CAMK4: variants seen among roughly 807,000 people sequenced by gnomAD.
CAMK4 encodes the protein calcium/calmodulin-dependent protein kinase type IV.
In CAMK4, 22 loss-of-function variants were observed where a neutral mutation model predicts 44.9. The ratio of observed to expected loss-of-function variants is 0.49; its 90% CI spans 0.35 to 0.70. The LOEUF (loss-of-function observed/expected upper bound fraction) is 0.70. Ranked by LOEUF, CAMK4 falls within the 30% of genes least tolerant of loss-of-function variation. CAMK4 has a pLI of 0.01. For synonymous variants in CAMK4, 218 were observed against 215.4 expected (o/e 1.01, Z -0.11); for missense variants, 498 against 586.8 (o/e 0.85, Z 1.56).
rs1289405438 is a variant in CAMK4 at position 111,491,539 on chromosome 5, T to C, written c.*7073T>C. 1 of 152,164 alleles carries C rather than the reference T, an allele frequency of 6.6e-6. No homozygotes were observed. The allele number at this position is 152,164 out of a possible 1,614,324, so 9.4% of individuals were successfully genotyped here. ...GATGCTCTCACAACAATAATTGTGCTGGAGATAGATACAACTTAGTGAAAT... is the reference window on the plus strand; with the variant it reads ...GATGCTCTCACAACAATAATTGTGCCGGAGATAGATACAACTTAGTGAAAT... On this transcript the variant is annotated 3_prime_UTR_variant, in exon 11 of 11. Transcript: ENST00000282356.
intron 5 of CAMK4, among the ~76,000 whole-genome samples, chr5:111,427,718 A>C (rs904035285): frequency 6.6e-6 from 1 of 152,202 alleles, no homozygotes; most frequent in African/African-American, 2.4e-5. Flanking sequence ...CTCAGCTGCA[A>C]TACAACAGAA....
At chr5:111,461,864 G>A (rs933327669) in intron 7 of CAMK4, among the ~76,000 whole-genome samples, 3 of 147,288 alleles carry the variant, frequency 2.0e-5, no homozygotes, top group Non-Finnish European at 3.0e-5. Context: ...AGCTCTAATA[G>A]GGACAATAAT....
chr5:111,287,314 T>C (rs1751277946), intron 1 of CAMK4, among the ~76,000 whole-genome samples: 1 of 152,096 alleles, frequency 6.6e-6, no homozygotes, highest in Non-Finnish European at 1.5e-5. Flanking sequence ...AGGAACAAAG[T>C]TCCAGAGAAA....
At chr5:111,315,853 G>A (rs904989775) in intron 1 of CAMK4, among the ~76,000 whole-genome samples, 151 of 152,202 alleles carry the variant, frequency 9.9e-4, no homozygotes, top group African/African-American at 3.4e-3. Flanking sequence ...GAGATATTGC[G>A]AAGGGCTGCA....
intron 5 of CAMK4, among the ~76,000 whole-genome samples, chr5:111,415,754 T>G (rs1202986034): frequency 6.6e-6 from 1 of 152,196 alleles, no homozygotes; most frequent in Non-Finnish European, 1.5e-5. Flanking sequence ...GGGTCCTCTG[T>G]ACCTGTATAA....
At chr5:111,456,416 A>C (rs1464285726) in intron 7 of CAMK4, among the ~76,000 whole-genome samples, 1 of 152,036 alleles carries the variant, frequency 6.6e-6, no homozygotes, top group Non-Finnish European at 1.5e-5. Flanking sequence ...GCGTGAACCC[A>C]GGAGGCGGGG....
At chr5:111,427,256 G>A (rs1753260318) in intron 5 of CAMK4, among the ~76,000 whole-genome samples, 1 of 152,116 alleles carries the variant, frequency 6.6e-6, no homozygotes, top group Non-Finnish European at 1.5e-5. Flanking sequence ...GGCCAGAAGG[G>A]AACCTGATAC....
rs535492447 is a variant in CAMK4, at chr5:111,357,044, A to G, written c.240+12942A>G. On this transcript the variant is annotated intron_variant, in intron 2 of 10. Coordinates refer to ENST00000282356, the MANE Select transcript of CAMK4 (RefSeq NM_001744.6). ...GATGAATTTACTTTGCTGGTATGCC[A>G]TCCACTCAAATTATGACATTTAACC... is the stretch of plus-strand genomic sequence containing the variant. Among the ~76,000 whole-genome samples the G allele has an allele frequency of 1.1e-4, 16 of 152,234 alleles. 1 individual carries two copies. Among genetic ancestry groups the G allele is most frequent in the Admixed American group, 9.2e-4 (14 of 15,260 alleles).
chr5:111,427,241 C>T (rs1334933570), intron 5 of CAMK4, among the ~76,000 whole-genome samples: 2 of 152,150 alleles, frequency 1.3e-5, no homozygotes, highest in Non-Finnish European at 2.9e-5. Context: ...TCTAAACACA[C>T]TCTGGGCCAG....
At chr5:111,228,528 G>GTA (rs1292513498) in intron 1 of CAMK4, among the ~76,000 whole-genome samples, 1 of 151,744 alleles carries the variant, frequency 6.6e-6, no homozygotes, top group Non-Finnish European at 1.5e-5. Context: ...GTGTGTGTGT[G>GTA]TGTGTGTGTG....
intron 2 of CAMK4, chr5:111,364,954 C>A (rs1750735906): frequency 6.6e-6 from 1 of 152,276 alleles, no homozygotes; most frequent in Middle Eastern, 3.4e-3. Context: ...ACACCATATC[C>A]AATGCTTGCT....
chr5:111,360,664 C>T (rs867521745), intron 2 of CAMK4, among the ~76,000 whole-genome samples: 2 of 152,082 alleles, frequency 1.3e-5, no homozygotes, highest in Non-Finnish European at 2.9e-5. Context: ...ACTTAACAGA[C>T]ATGCTGATGA....
chr5:111,409,596 T>C (rs1752560598), intron 5 of CAMK4, among the ~76,000 whole-genome samples: 1 of 152,246 alleles, frequency 6.6e-6, no homozygotes, highest in Admixed American at 6.5e-5. Flanking sequence ...TATGCAAATT[T>C]CTACAGCAGG....
intron 1 of CAMK4, among the ~76,000 whole-genome samples, chr5:111,294,612 A>G (rs1218226130): frequency 1.3e-5 from 2 of 152,294 alleles, no homozygotes; most frequent in South Asian, 2.1e-4. Flanking sequence ...AGCACTGTCT[A>G]AACTATGAAG....
At chr5:111,392,482 A>C (rs74716308) in intron 4 of CAMK4, among the ~76,000 whole-genome samples, 1 of 152,128 alleles carries the variant, frequency 6.6e-6, no homozygotes, top group East Asian at 1.9e-4. Context: ...AATCCAAACC[A>C]TATCAGCTGG....
chr5:111,492,919 G>A lies in CAMK4; in HGVS notation c.*8453G>A, dbSNP rs1006035754. On this transcript the variant is annotated 3_prime_UTR_variant, in exon 11 of 11. Coordinates refer to ENST00000282356, the MANE Select transcript of CAMK4 (RefSeq NM_001744.6). Reference sequence around the variant, plus strand: ...CTCCCTTTTGCCAGGAATGATGAAGGAAAGCTTTATGGAAACACAGGCTGT... The same window carrying A: ...CTCCCTTTTGCCAGGAATGATGAAGAAAAGCTTTATGGAAACACAGGCTGT... The A allele has an allele frequency of 1.3e-5, 2 of 152,256 alleles. No homozygotes were observed. The highest frequency in any genetic ancestry group is 4.8e-5 in the African/African-American group (2 of 41,436). The allele number at this position is 152,256 out of a possible 1,614,324, so 9.4% of individuals were successfully genotyped here. A position where few individuals can be genotyped will look rare whatever the true frequency, so the allele number is the denominator to read the frequency against.
chr5:111,372,079 CA>C (rs760208956), intron 2 of CAMK4, among the ~76,000 whole-genome samples: 16 of 151,950 alleles, frequency 1.1e-4, no homozygotes, highest in Non-Finnish European at 1.3e-4. Flanking sequence ...AGTAAATGGT[CA>C]AAACTTTGAA....
intron 5 of CAMK4, among the ~76,000 whole-genome samples, chr5:111,435,513 G>C (rs1347428425): frequency 1.3e-5 from 2 of 152,122 alleles, no homozygotes; most frequent in Non-Finnish European, 2.9e-5. Context: ...TTCATCCTCA[G>C]TCCTGCCCAA....
chr5:111,327,828 T>A lies in CAMK4; in HGVS notation c.162-16196T>A, dbSNP rs1177598022. ...TCTTCTTTTGAGAAGTGTCTGTTCA[T>A]ATCCTTCGCCCACTTTTTGATGGGG... On this transcript the variant is annotated intron_variant, in intron 1 of 10. Transcript: ENST00000282356. Among the ~76,000 whole-genome samples, 4 of 142,544 alleles carry A rather than the reference T, an allele frequency of 2.8e-5. No individual in the cohort carries two copies. In the East Asian group the frequency reaches 6.1e-4, roughly 22 times the overall value. 93.5% of individuals were successfully genotyped at this position (142,544 alleles called of 152,430 possible). A position where few individuals can be genotyped will look rare whatever the true frequency, so the allele number is the denominator to read the frequency against.
Sources: gnomAD v4.1 joint callset for allele counts (sites outside exome capture counted in the v4.1 genomes callset) on GRCh38, gnomAD v4.1.1 for gene constraint, MANE v1.5 for transcripts, NCBI Gene and HGNC (gene_info 2026-07-23, HGNC 2026-07-21) for gene names.